ABCA12: variants seen among roughly 807,000 people sequenced by gnomAD.
ABCA12 encodes the protein glucosylceramide transporter ABCA12.
ABCA12 carries 156 observed loss-of-function variants against 293.5 expected under a neutral mutation model. That is an observed-to-expected ratio of 0.53 (90% CI 0.47 to 0.61). The LOEUF is 0.61. Ranked by LOEUF, ABCA12 falls within the 20% of genes least tolerant of loss-of-function variation. ABCA12 has a pLI of 0.00. For missense variants in ABCA12, 2,797 were observed against 3,090.2 expected (o/e 0.91, Z 2.25); for synonymous variants, 1,063 against 1,108.0 (o/e 0.96, Z 0.81).
chr2:214,941,441 G>C (rs1410605459), intron 50 of ABCA12, among the ~76,000 whole-genome samples: 1 of 152,310 alleles, frequency 6.6e-6, no homozygotes, highest in African/African-American at 2.4e-5. Flanking sequence ...TTCGGGTGGA[G>C]AGTTCTATAG....
chr2:214,948,873 A>C, intron 46 of ABCA12, 136 bp from the exon 47 acceptor site: 1 of 1,248,590 alleles, frequency 8.0e-7, no homozygotes, highest in South Asian at 1.3e-5. Context: ...TAATCCCACT[A>C]TCAAATTCAC....
At chr2:215,068,483 A>T (rs528075907) in intron 2 of ABCA12, among the ~76,000 whole-genome samples, 1 of 152,142 alleles carries the variant, frequency 6.6e-6, no homozygotes, top group Admixed American at 6.6e-5. Flanking sequence ...GAATTGGCCC[A>T]CAGGCTGTAG....
intron 23 of ABCA12, among the ~76,000 whole-genome samples, chr2:214,992,789 AGGT>A (rs527841890): frequency 1.8e-3 from 277 of 152,186 alleles, no homozygotes; most frequent in Admixed American, 3.7e-3. Context: ...TGAACCCAGG[AGGT>A]GGAGGTTGCA....
chr2:214,937,446 C>T (rs1412495485), intron 51 of ABCA12, 64 bp downstream of exon 51: 2 of 1,334,340 alleles, frequency 1.5e-6, no homozygotes, highest in African/African-American at 2.9e-5. Flanking sequence ...TGATTGCCCG[C>T]CTCGGACTCC....
intron 50 of ABCA12, among the ~76,000 whole-genome samples, 168 bp from the exon 51 acceptor site, chr2:214,937,783 T>G (rs570378323): frequency 6.6e-6 from 1 of 152,276 alleles, no homozygotes; most frequent in African/African-American, 2.4e-5. Context: ...AAACTGGAAA[T>G]AGTGCACTGC....
intron 23 of ABCA12, among the ~76,000 whole-genome samples, chr2:214,996,035 A>C (rs142208935): frequency 1.5e-3 from 232 of 152,316 alleles, no homozygotes; most frequent in African/African-American, 5.3e-3. Flanking sequence ...TATTCTGATT[A>C]CAAGTTCAGT....
chr2:215,102,805 T>A (rs1702385737), intron 2 of ABCA12, among the ~76,000 whole-genome samples: 1 of 152,198 alleles, frequency 6.6e-6, no homozygotes, highest in Non-Finnish European at 1.5e-5. Context: ...GAACTCCTAC[T>A]CATTCTTCAA....
rs1174723426 is a variant in ABCA12 at position 214,932,290 on chromosome 2, A to G, written c.*344T>C. On this transcript the variant is annotated 3_prime_UTR_variant, in exon 53 of 53. Coordinates refer to ENST00000272895, the MANE Select transcript of ABCA12 (RefSeq NM_173076.3). ...TTTTCTTCTCCACTCTTATATTTCA[A>G]CTACCAAAATCCATGCCTTTTAAAC... 25 of 264,212 alleles carry G rather than the reference A, an allele frequency of 9.5e-5. No homozygotes were observed. The highest frequency in any genetic ancestry group is 1.7e-4 in the Non-Finnish European group (23 of 135,874). The allele number at this position is 264,212 out of a possible 1,614,324, so 16.4% of individuals were successfully genotyped here.
intron 11 of ABCA12, among the ~76,000 whole-genome samples, chr2:215,020,271 G>A (rs1700598986): frequency 7.2e-6 from 1 of 139,820 alleles, no homozygotes; most frequent in African/African-American, 2.6e-5. Context: ...TAACCCTTGT[G>A]CACTGTTGGT....
intron 20 of ABCA12, among the ~76,000 whole-genome samples, chr2:215,002,779 T>C (rs1269380107): frequency 6.6e-6 from 1 of 152,188 alleles, no homozygotes; most frequent in Non-Finnish European, 1.5e-5. Context: ...ATAAAAACAC[T>C]TCAAGGGGTC....
At chr2:215,037,111 G>T (rs763315203) in intron 7 of ABCA12, 46 bp from the exon 8 acceptor site, 2 of 1,495,306 alleles carry the variant, frequency 1.3e-6, no homozygotes, top group South Asian at 1.1e-5. Context: ...TTCAAGGTTT[G>T]CAGACAGAAA....
Position 215,064,107 on chromosome 2 carries a change from C to G in ABCA12, c.276G>C (p.Leu92=). 1 of 1,612,922 alleles carries G rather than the reference C, an allele frequency of 6.2e-7. No homozygotes were observed. The part of the protein sequence containing the change: ...CKDTPYGPQD[L]LRRKGIDDAL... The stretch of plus-strand genomic sequence containing the variant: ...CATCATCAATTCCTTTCCTACGAAG[C>G]AGATCTTGTGGGCCATAGGGTGTGT... Residue 92 remains leucine, a synonymous_variant, in exon 3 of 53, where the codon CTG becomes CTC. Transcript: ENST00000272895.
At chr2:215,077,181 A>G (rs1486247159) in intron 2 of ABCA12, among the ~76,000 whole-genome samples, 1 of 152,182 alleles carries the variant, frequency 6.6e-6, no homozygotes, top group Middle Eastern at 3.2e-3. Context: ...AGAGTCTGAT[A>G]AAGTTGGGCA....
intron 20 of ABCA12, 70 bp downstream of exon 20, chr2:215,004,139 T>A: frequency 7.5e-7 from 1 of 1,332,946 alleles, no homozygotes; most frequent in East Asian, 2.3e-5. Context: ...GAAAATGTAA[T>A]CATATGGAAC....
At chr2:215,017,102 T>TG (rs1304229564) in intron 14 of ABCA12, among the ~76,000 whole-genome samples, 9 of 152,358 alleles carry the variant, frequency 5.9e-5, no homozygotes, top group Middle Eastern at 3.4e-3. Context: ...AATTTTTGTA[T>TG]GGGGGAACCA....
In ABCA12 at chr2:215,072,370, G is replaced by C. The variant is rs1402624312; in HGVS notation, c.164-8151C>G. ...TATGAAACTATAGGCAAGAGGCACTGGGGGAAGATCTCTGCCTTCTTTATA... is the reference window on the plus strand; with the variant it reads ...TATGAAACTATAGGCAAGAGGCACTCGGGGAAGATCTCTGCCTTCTTTATA... On this transcript the variant is annotated intron_variant, in intron 2 of 52. Transcript: ENST00000272895. Among the ~76,000 whole-genome samples, 5 of 152,140 alleles carry C rather than the reference G, an allele frequency of 3.3e-5. No homozygotes were observed. The East Asian group carries it at 9.6e-4, about 29-fold the overall frequency.
chr2:215,079,243 GCA>G lies in ABCA12; in HGVS notation c.164-15026_164-15025del, dbSNP rs551463289. On this transcript the variant is annotated intron_variant, in intron 2 of 52. Coordinates refer to ENST00000272895, the MANE Select transcript of ABCA12 (RefSeq NM_173076.3). Reference sequence around the variant, plus strand: ...GAAAGATGCAAGAAGGTGCAATATAGCACACAAGAAAATCTTCCTGTAGACAG... The same window carrying G: ...GAAAGATGCAAGAAGGTGCAATATAGCACAAGAAAATCTTCCTGTAGACAG... Among the ~76,000 whole-genome samples, 16 of 152,254 alleles carry G rather than the reference GCA, an allele frequency of 1.1e-4. No individual in the cohort carries two copies. In the East Asian group the frequency reaches 2.5e-3, roughly 24 times the overall value.
intron 23 of ABCA12, among the ~76,000 whole-genome samples, chr2:214,991,570 C>T (rs1699912754): frequency 6.6e-6 from 1 of 152,038 alleles, no homozygotes; most frequent in African/African-American, 2.4e-5. Flanking sequence ...GAATTTAAAA[C>T]ACATAACTTA....
intron 2 of ABCA12, among the ~76,000 whole-genome samples, chr2:215,092,816 T>G (rs563598827): frequency 5.9e-5 from 9 of 152,248 alleles, no homozygotes; most frequent in African/African-American, 2.2e-4. Flanking sequence ...CACAACCCAT[T>G]ATTCTGTTAT....
Sources: gnomAD v4.1 joint callset for allele counts (sites outside exome capture counted in the v4.1 genomes callset) on GRCh38, gnomAD v4.1.1 for gene constraint, MANE v1.5 for transcripts, NCBI Gene and HGNC (gene_info 2026-07-23, HGNC 2026-07-21) for gene names.